The following CYP2A6 variants were observed in gnomAD, a reference collection of about 807,000 sequenced individuals.
The protein encoded by CYP2A6 is cytochrome P450 2A6.
In CYP2A6, 27 loss-of-function variants were observed where a neutral mutation model predicts 42.3. That is an observed-to-expected ratio of 0.64 (90% CI 0.47 to 0.88). The LOEUF (loss-of-function observed/expected upper bound fraction) is 0.88. CYP2A6 is among the 40% of genes least tolerant of loss of function. The pLI is 0.00. For missense variants in CYP2A6, 628 were observed against 646.0 expected (o/e 0.97, Z 0.30); for synonymous variants, 238 against 246.3 (o/e 0.97, Z 0.31).
At position 40,849,650 on chromosome 19, in the gene CYP2A6, G is replaced by A. The variant is rs552811042; in HGVS notation, c.343+168C>T. Among the ~76,000 whole-genome samples the A allele has an allele frequency of 4.6e-5, 7 of 151,512 alleles. 1 individual carries two copies. The East Asian group carries it at 1.4e-3, about 31-fold the overall frequency. ...AATCAGGACAGGGACGCTGGAGACA[G>A]GTGAGGGATACACATGGAGAGGCCA... On this transcript the variant is annotated intron_variant, in intron 2 of 8. Coordinates refer to ENST00000301141, the MANE Select transcript of CYP2A6 (RefSeq NM_000762.6).
Position 40,848,762 on chromosome 19 carries a change from G to C in CYP2A6, c.345C>G (p.Gly115=), listed in dbSNP as rs914801732. 1.9e-5 allele frequency: 30 copies of C among 1,610,768 alleles called. No homozygotes were observed. The highest frequency in any genetic ancestry group is 2.5e-5 in the Non-Finnish European group (30 of 1,179,686). ...ATFDWVFKGY[G]VVFSNGERAK... ...CGCGCTCCCCGTTGCTGAATACCAC[G>C]CCTGGGGAGGTGAACGCGGGAATGG... The change falls in exon 3 of 9, where the codon GGC becomes GGG. Residue 115 remains glycine, a splice_region_variant and synonymous_variant. Transcript: ENST00000301141.
At position 40,844,702 on chromosome 19, in the gene CYP2A6, A is replaced by T. The variant is rs763086708; in HGVS notation, c.1232T>A (p.Phe411Tyr). 2.5e-6 allele frequency: 4 copies of T among 1,611,734 alleles called. No homozygotes were observed. Residue 411 changes from phenylalanine (F) to tyrosine (Y), a missense_variant, in exon 8 of 9, where the codon TTC (phenylalanine) becomes TAC (tyrosine). This residue lies in a region of CYP2A6 where 606 missense variants were observed against 568.1 expected (regional missense o/e 1.07). Transcript: ENST00000301141. ...CTCATTCAGGAAGTGCTGGGGATTG[A>T]AGTCCTGGGGGTTGGAGAAGAAACT... ...DPSFFSNPQDFNPQHFLNEKG... is the reference protein window; with the variant it reads ...DPSFFSNPQDYNPQHFLNEKG...
At position 40,847,190 on chromosome 19, in the gene CYP2A6, C is replaced by G. The variant is rs796812539; in HGVS notation, c.655-139G>C. ...CGTTGTTTAGGTATTTCAGTGGGGC[C>G]GGATAGGAACTTATATCTAAGTTTT... On this transcript the variant is annotated intron_variant, in intron 4 of 8. Transcript: ENST00000301141. 9.8e-5 allele frequency: 129 copies of G among 1,320,864 alleles called. 2 individuals are homozygous for G. In the African/African-American group the frequency reaches 1.7e-3, roughly 17 times the overall value. 81.8% of individuals were successfully genotyped at this position (1,320,864 alleles called of 1,614,324 possible). A position where few individuals can be genotyped will look rare whatever the true frequency, so the allele number is the denominator to read the frequency against.
intron 3 of CYP2A6, 67 bp from the exon 4 acceptor site, chr19:40,848,446 T>C (rs1319779407): frequency 6.2e-7 from 1 of 1,602,760 alleles, no homozygotes; most frequent in Non-Finnish European, 8.5e-7. Flanking sequence ...AGAGTCAGAA[T>C]TCCAGGAGGC....
At chr19:40,848,402 G>T in intron 3 of CYP2A6, 23 bp from the exon 4 acceptor site, 1 of 1,611,526 alleles carries the variant, frequency 6.2e-7, no homozygotes, top group Non-Finnish European at 8.5e-7. Context: ...CGGGAGAAGG[G>T]GGTTGGGGAG....
chr19:40,848,154 T>C lies in CYP2A6; in HGVS notation c.654+65A>G. ...GCGGTGGGAGTTTGGGGCACCTGTC[T>C]CCAGGTAGGGGAGCAGTTGGCAGGT... On this transcript the variant is annotated intron_variant, in intron 4 of 8. Coordinates refer to ENST00000301141, the MANE Select transcript of CYP2A6 (RefSeq NM_000762.6). The C allele has an allele frequency of 1.9e-6, 3 of 1,593,574 alleles. 1 individual carries two copies. Among genetic ancestry groups the C allele is most frequent in the Non-Finnish European group, 1.7e-6 (2 of 1,169,074 alleles).
Position 40,845,283 on chromosome 19 carries a change from G to A in CYP2A6, c.1161+11C>T, listed in dbSNP as rs774691324. On this transcript the variant is annotated intron_variant, in intron 7 of 8. Coordinates refer to ENST00000301141, the MANE Select transcript of CYP2A6 (RefSeq NM_000762.6). ...AGTCCCCGTAGTCTGGGGGGTGGGGGCGGATAGCACCTTAGGGAGGAAGAA... is the reference window on the plus strand; with the variant it reads ...AGTCCCCGTAGTCTGGGGGGTGGGGACGGATAGCACCTTAGGGAGGAAGAA... The A allele has an allele frequency of 3.7e-6, 6 of 1,611,316 alleles. No homozygotes were observed. The highest frequency in any genetic ancestry group is 2.7e-5 in the African/African-American group (2 of 74,468).
At position 40,846,978 on chromosome 19, in the gene CYP2A6, C is replaced by T. The variant is rs1269958282; in HGVS notation, c.728G>A (p.Gly243Glu). ...PQQQAFQLLQGLEDFIAKKVE... is the reference protein window; with the variant it reads ...PQQQAFQLLQELEDFIAKKVE... ...CTTCTTGGCTATGAAGTCCTCCAGC[C>T]CTTGCAGCAACTGAAAGGCCTGTTG... The change falls in exon 5 of 9, where the codon GGG (glycine) becomes GAG (glutamate). Residue 243 changes from glycine to glutamate, a missense_variant. By Grantham distance (98) the Gly-to-Glu change is moderately conservative (BLOSUM62 -2). Around this residue, in one of 2 missense-constraint regions of CYP2A6, gnomAD observed 606 missense variants for 568.1 expected, o/e 1.07. Coordinates refer to ENST00000301141, the MANE Select transcript of CYP2A6 (RefSeq NM_000762.6). The T allele has an allele frequency of 3.1e-6, 5 of 1,612,006 alleles. 1 individual carries two copies. Among genetic ancestry groups the T allele is most frequent in the East Asian group, 2.3e-5 (1 of 43,430 alleles).
In CYP2A6 at chr19:40,844,672, C is replaced by A; in HGVS notation, c.1262G>T (p.Gly421Val). The A allele has an allele frequency of 6.2e-7, 1 of 1,611,630 alleles. No individual in the cohort carries two copies. Among genetic ancestry groups the A allele is most frequent in the Non-Finnish European group, 8.5e-7 (1 of 1,179,870 alleles). The change falls in exon 8 of 9, where the codon GGG becomes GTG. Residue 421 changes from glycine (G) to valine (V), a missense_variant. Gly to Val is a moderately radical substitution (Grantham distance 109, BLOSUM62 -3). Coordinates refer to ENST00000301141, the MANE Select transcript of CYP2A6 (RefSeq NM_000762.6). ...AAAAGCATCACTCTTCTTAAACTGC[C>A]CCTTCTCATTCAGGAAGTGCTGGGG... ...FNPQHFLNEK[G>V]QFKKSDAFVP... is the part of the protein sequence containing the mutation.
At chr19:40,845,097 A>T in intron 7 of CYP2A6, 197 bp downstream of exon 7, 2 of 686,964 alleles carry the variant, frequency 2.9e-6, no homozygotes, top group Non-Finnish European at 2.4e-6. Context: ...TTCTCCTGAC[A>T]CAAAGAGTCT....
chr19:40,844,888 G>A, intron 7 of CYP2A6, 116 bp from the exon 8 acceptor site: 1 of 1,364,842 alleles, frequency 7.3e-7, no homozygotes, highest in South Asian at 1.4e-5. Context: ...CAGGCATGGA[G>A]GAGTTGGGGT....
At position 40,845,499 on chromosome 19, in the gene CYP2A6, A is replaced by T. The variant is rs1425551549; in HGVS notation, c.974-18T>A. On this transcript the variant is annotated intron_variant, in intron 6 of 8. Transcript: ENST00000301141. ...GACCTTGGCTGGGGGAGGAGGGGGA[A>T]TGTGTTTAGGTATCTAGGGGTCTCA... 2 of 1,610,828 alleles carry T rather than the reference A, an allele frequency of 1.2e-6. No homozygotes were observed.
In CYP2A6 at chr19:40,848,652, T is replaced by C. The variant is rs200354522; in HGVS notation, c.455A>G (p.Glu152Gly). The part of the protein sequence containing the change: ...KRGIEERIQE[E>G]AGFLIDALRG... ...GAGGGCGTCGATGAGGAAGCCCGCC[T>C]CCTCCTGGATGCGCTCCTCGATGCC... Residue 152 changes from glutamate (E) to glycine (G), a missense_variant, in exon 3 of 9, where the codon GAG (glutamate) becomes GGG (glycine). Glu to Gly is a moderately conservative substitution (Grantham distance 98). Coordinates refer to ENST00000301141, the MANE Select transcript of CYP2A6 (RefSeq NM_000762.6). 3.1e-6 allele frequency: 5 copies of C among 1,611,898 alleles called. No individual in the cohort carries two copies. The South Asian group carries it at 5.5e-5, about 18-fold the overall frequency.
intron 5 of CYP2A6, 139 bp from the exon 6 acceptor site, chr19:40,846,236 A>G (rs1967097722): frequency 8.0e-7 from 1 of 1,256,728 alleles, no homozygotes; most frequent in African/African-American, 1.5e-5. Flanking sequence ...GACTCGCTCT[A>G]GGTTCCAGCC....
chr19:40,848,118 C>T, intron 4 of CYP2A6, 101 bp downstream of exon 4: 2 of 1,563,388 alleles, frequency 1.3e-6, no homozygotes, highest in Admixed American at 3.5e-5. Context: ...TGAGGGGACA[C>T]TGTCTGGAGG....
rs1967201659 is a variant in CYP2A6, at chr19:40,850,435, T to G, written c.-9A>C. On this transcript the variant is annotated 5_prime_UTR_variant, in exon 1 of 9. Transcript: ENST00000301141. The stretch of plus-strand genomic sequence containing the variant: ...ATCCCTGAGGCCAGCATGGTGGTAG[T>G]GGGATGATAGATGGTGACGGCTGGG... 1.9e-6 allele frequency: 3 copies of G among 1,606,140 alleles called. No homozygotes were observed. Among genetic ancestry groups the G allele is most frequent in the Non-Finnish European group, 2.6e-6 (3 of 1,176,444 alleles).
chr19:40,849,430 G>A (rs1035876077), intron 2 of CYP2A6, among the ~76,000 whole-genome samples: 5 of 151,492 alleles, frequency 3.3e-5, no homozygotes, highest in Admixed American at 3.3e-4. Context: ...GACAGAGGAA[G>A]AAGTGAGAAA....
At chr19:40,849,321 A>T (rs1468137152) in intron 2 of CYP2A6, among the ~76,000 whole-genome samples, 1 of 151,250 alleles carries the variant, frequency 6.6e-6, no homozygotes, top group East Asian at 2.0e-4. Flanking sequence ...AAGAGAGAAA[A>T]ATATTGAGAT....
intron 2 of CYP2A6, among the ~76,000 whole-genome samples, chr19:40,849,003 AGAGAGAGAAG>A (rs1268665879): frequency 7.0e-5 from 6 of 85,398 alleles, no homozygotes; most frequent in Non-Finnish European, 9.3e-5. Context: ...AGAGAGAGAG[AGAGAGAGAAG>A]AGAGAGAGGA....
Sources: allele counts gnomAD v4.1 joint callset (sites outside exome capture counted in the v4.1 genomes callset), GRCh38; gene constraint gnomAD v4.1.1; regional missense constraint gnomAD v4.1.1; transcripts MANE v1.5; gene names NCBI Gene and HGNC (gene_info 2026-07-23, HGNC 2026-07-21).